Variants in RUFY3 observed in about 807,000 individuals in gnomAD.
RUFY3 encodes protein RUFY3.
RUFY3 carries 34 observed loss-of-function variants against 84.0 expected under a neutral mutation model. That is an observed-to-expected ratio of 0.40 (90% confidence interval 0.31 to 0.54). RUFY3 has a LOEUF of 0.54. Ranked by LOEUF, RUFY3 falls within the 20% of genes least tolerant of loss-of-function variation. RUFY3 has a pLI of 0.39. For missense variants in RUFY3, 507 were observed against 736.8 expected (o/e 0.69, Z 3.61); for synonymous variants, 242 against 252.9 (o/e 0.96, Z 0.41).
At position 70,800,195 on chromosome 4, in the gene RUFY3, GA is replaced by G. The variant is rs1407505809; in HGVS notation, c.1615del (p.Ser539AlafsTer33). 3 of 1,604,702 alleles carry G rather than the reference GA, an allele frequency of 1.9e-6. No individual in the cohort carries two copies. Among genetic ancestry groups the G allele is most frequent in the Non-Finnish European group, 1.7e-6 (2 of 1,177,352 alleles). On this transcript the variant is annotated frameshift_variant, in exon 15 of 18. Transcript: ENST00000381006. LOFTEE classifies it high-confidence loss of function. ...TGTTAAACTAAAAAAGCCCCTGGAA[GA>G]AAGCCACAGGTGTTTGTTAATCAAG... ...ENVKLKKPLE[E>X]SHRLQPHPMD...
intron 1 of RUFY3, among the ~76,000 whole-genome samples, chr4:70,747,008 G>A (rs1264000999): frequency 1.3e-5 from 2 of 152,188 alleles, no homozygotes; most frequent in Non-Finnish European, 2.9e-5. Flanking sequence ...TATACTGGTT[G>A]TGATAATGTA....
chr4:70,806,264 G>T (rs185140568), intron 17 of RUFY3, among the ~76,000 whole-genome samples: 127 of 152,322 alleles, frequency 8.3e-4, no homozygotes, highest in Middle Eastern at 6.8e-3. Context: ...ATATTCTAAA[G>T]ATAAGTGACT....
chr4:70,759,823 A>C (rs1578115720), intron 1 of RUFY3, among the ~76,000 whole-genome samples: 1 of 152,136 alleles, frequency 6.6e-6, no homozygotes, highest in East Asian at 1.9e-4. Flanking sequence ...ATGTGGAAGG[A>C]CCTGATTTAA....
intron 11 of RUFY3, 84 bp downstream of exon 11, chr4:70,789,057 C>T: frequency 6.6e-7 from 1 of 1,517,296 alleles, no homozygotes; most frequent in Non-Finnish European, 8.8e-7. Context: ...CAGAATCACA[C>T]TTTAATTACA....
chr4:70,729,447 G>A (rs1718849927), intron 1 of RUFY3, among the ~76,000 whole-genome samples: 1 of 151,976 alleles, frequency 6.6e-6, no homozygotes, highest in South Asian at 2.1e-4. Flanking sequence ...TAGTAGAGAC[G>A]AGGTTTCCCC....
chr4:70,739,547 A>G (rs1023760953), intron 1 of RUFY3, among the ~76,000 whole-genome samples: 14 of 152,190 alleles, frequency 9.2e-5, no homozygotes, highest in African/African-American at 3.4e-4. Flanking sequence ...AATTAACACT[A>G]AATCAAAGAC....
chr4:70,761,705 T>A (rs767513554), intron 1 of RUFY3, among the ~76,000 whole-genome samples: 4 of 152,192 alleles, frequency 2.6e-5, no homozygotes, highest in African/African-American at 4.8e-5. Context: ...AGTTTATCCA[T>A]CTGGTTGATG....
intron 1 of RUFY3, among the ~76,000 whole-genome samples, chr4:70,732,674 G>T (rs187077078): frequency 2.0e-5 from 3 of 151,636 alleles, no homozygotes; most frequent in Non-Finnish European, 2.9e-5. Context: ...ACCAAACACC[G>T]CATGTTCTCA....
chr4:70,725,561 C>T (rs1254303036), intron 1 of RUFY3, among the ~76,000 whole-genome samples: 1 of 152,136 alleles, frequency 6.6e-6, no homozygotes, highest in African/African-American at 2.4e-5. Flanking sequence ...GAACTCCCAA[C>T]CTCAGGTGAT....
upstream of RUFY3, among the ~76,000 whole-genome samples, chr4:70,719,229 A>G (rs968722225): frequency 6.6e-5 from 10 of 152,224 alleles, no homozygotes; most frequent in African/African-American, 2.2e-4. Flanking sequence ...AAGGATACCA[A>G]TACAGGCATG....
intron 4 of RUFY3, among the ~76,000 whole-genome samples, chr4:70,767,938 C>T (rs1300956632): frequency 6.6e-6 from 1 of 152,132 alleles, no homozygotes; most frequent in East Asian, 1.9e-4. Flanking sequence ...CTCGGCCTCC[C>T]AAAGTGCTGG....
upstream of RUFY3, among the ~76,000 whole-genome samples, chr4:70,718,953 GACCCGCCTGCC>G (rs1290170170): frequency 1.3e-5 from 2 of 152,158 alleles, no homozygotes; most frequent in Non-Finnish European, 2.9e-5. Flanking sequence ...GACTTCAGGT[GACCCGCCTGCC>G]TCAGCCTCCC....
chr4:70,796,601 A>G (rs894992841), intron 14 of RUFY3, among the ~76,000 whole-genome samples: 6 of 152,196 alleles, frequency 3.9e-5, no homozygotes, highest in Admixed American at 6.5e-5. Context: ...AGCCTAACCA[A>G]TTGAGATATC....
At chr4:70,779,551 A>G (rs1728547000) in intron 8 of RUFY3, among the ~76,000 whole-genome samples, 1 of 151,036 alleles carries the variant, frequency 6.6e-6, no homozygotes, top group African/African-American at 2.4e-5. Context: ...CATTGTCCAG[A>G]TGGCAAAGAG....
chr4:70,788,718 T>A lies in RUFY3; in HGVS notation c.1072-88T>A, dbSNP rs752075741. Reference sequence around the variant, plus strand: ...TTGCCAGAATATTCAGACCTGAGAGTTTTGGTGTACTTTTTCCTGTGAAAT... The same window carrying A: ...TTGCCAGAATATTCAGACCTGAGAGATTTGGTGTACTTTTTCCTGTGAAAT... On this transcript the variant is annotated intron_variant, in intron 10 of 17. Transcript: ENST00000381006. 418 of 1,456,810 alleles carry A rather than the reference T, an allele frequency of 2.9e-4. 1 individual carries two copies. Among genetic ancestry groups the A allele is most frequent in the Non-Finnish European group, 3.5e-4 (380 of 1,078,988 alleles). 90.2% of individuals were successfully genotyped at this position (1,456,810 alleles called of 1,614,324 possible).
Position 70,788,764 on chromosome 4 carries a change from G to GCT in RUFY3, c.1072-42_1072-41insCT, listed in dbSNP as rs560021175. On this transcript the variant is annotated intron_variant, in intron 10 of 17. Coordinates refer to ENST00000381006, the MANE Select transcript of RUFY3 (RefSeq NM_001037442.4). ...GAAATATTATGGTTTGTACTTAGTTGAAGGAACAGAGTGTAAGCAATTTAC... is the reference window on the plus strand; with the variant it reads ...GAAATATTATGGTTTGTACTTAGTTGCTAAGGAACAGAGTGTAAGCAATTTAC... 1.1e-4 allele frequency: 170 copies of GCT among 1,602,854 alleles called. No individual in the cohort carries two copies. In the South Asian group the frequency reaches 1.8e-3, roughly 17 times the overall value.
chr4:70,739,080 CTT>C (rs111822896), intron 1 of RUFY3, among the ~76,000 whole-genome samples: 28 of 137,352 alleles, frequency 2.0e-4, no homozygotes, highest in Non-Finnish European at 2.2e-4. Context: ...GGCTATTTGT[CTT>C]TTTTTTTTTT....
chr4:70,769,909 G>A (rs897894632), intron 5 of RUFY3, among the ~76,000 whole-genome samples: 2 of 152,032 alleles, frequency 1.3e-5, no homozygotes, highest in Non-Finnish European at 2.9e-5. Flanking sequence ...TGCAACCTCC[G>A]CCTCCTGGGC....
At chr4:70,792,729 T>C (rs1731011372) in intron 12 of RUFY3, 3 of 985,234 alleles carry the variant, frequency 3.0e-6, no homozygotes, top group Non-Finnish European at 3.6e-6. Flanking sequence ...GAGTGTAAGA[T>C]AGATTCCATG....
Sources: gnomAD v4.1 joint callset for allele counts (sites outside exome capture counted in the v4.1 genomes callset) on GRCh38, gnomAD v4.1.1 for gene constraint, MANE v1.5 for transcripts, NCBI Gene and HGNC (gene_info 2026-07-23, HGNC 2026-07-21) for gene names.